PRDM2: variants seen among roughly 807,000 people sequenced by gnomAD.
PRDM2 encodes PR domain zinc finger protein 2.
A neutral mutation model predicts 130.0 loss-of-function variants in PRDM2; 30 were observed. The observed-to-expected ratio is 0.23, with a 90% CI of 0.17 to 0.31. The LOEUF is 0.31. Among genes scored for constraint, PRDM2 ranks in the 10% least tolerant of loss-of-function variants. The pLI is 1.00. For synonymous variants in PRDM2, 871 were observed against 782.4 expected (o/e 1.11, Z -1.89); for missense variants, 2,011 against 2,108.4 (o/e 0.95, Z 0.90).
At chr1:13,816,067 C>T (rs747393989) in intron 8 of PRDM2, among the ~76,000 whole-genome samples, 16 of 152,144 alleles carry the variant, frequency 1.1e-4, no homozygotes, top group South Asian at 2.1e-4. Context: ...AGGGCACAGC[C>T]GCTGTTCTGA....
Position 13,780,194 on chromosome 1 carries a change from T to C in PRDM2, c.2399T>C (p.Phe800Ser). The C allele has an allele frequency of 6.2e-7, 1 of 1,600,636 alleles. No homozygotes were observed. The highest frequency in any genetic ancestry group is 2.2e-5 in the East Asian group (1 of 44,714). The change falls in exon 8 of 10, where the codon TTT becomes TCT. Residue 800 changes from phenylalanine to serine, a missense_variant. Around this residue, in one of 5 missense-constraint regions of PRDM2, gnomAD observed 1,288 missense variants for 1,237.7 expected, o/e 1.04. Transcript: ENST00000311066. ...DERETVSPPC[F>S]DEYKMSKEWT... Reference sequence around the variant, plus strand: ...AGAGAAACTGTGAGCCCTCCATGCTTTGATGAATATAAAATGTCTAAAGAG... The same window carrying C: ...AGAGAAACTGTGAGCCCTCCATGCTCTGATGAATATAAAATGTCTAAAGAG...
intron 8 of PRDM2, among the ~76,000 whole-genome samples, chr1:13,793,026 T>C (rs149890638): frequency 3.1e-4 from 48 of 152,384 alleles, no homozygotes; most frequent in African/African-American, 1.1e-3. Context: ...GACTTGCATG[T>C]ACATAACTGT....
intron 4 of PRDM2, among the ~76,000 whole-genome samples, chr1:13,736,114 C>CTTTTTT (rs766095858): frequency 7.6e-6 from 1 of 132,022 alleles, no homozygotes; most frequent in Non-Finnish European, 1.7e-5. Flanking sequence ...TGTTTCTTTT[C>CTTTTTT]TTTTTTTTTT....
intron 5 of PRDM2, among the ~76,000 whole-genome samples, chr1:13,748,979 G>A (rs1179586401): frequency 1.3e-5 from 2 of 152,166 alleles, no homozygotes; most frequent in African/African-American, 4.8e-5. Context: ...CACACCGCAC[G>A]CTTTTCAGTT....
chr1:13,822,818 A>T (rs1365122123), intron 9 of PRDM2, among the ~76,000 whole-genome samples: 5 of 152,156 alleles, frequency 3.3e-5, no homozygotes, highest in Non-Finnish European at 4.4e-5. Flanking sequence ...GAGATTACTG[A>T]TTGACCCTAT....
At chr1:13,704,837 A>G (rs1642160219) in intron 1 of PRDM2, 1 of 152,260 alleles carries the variant, frequency 6.6e-6, no homozygotes, top group Non-Finnish European at 1.5e-5. Context: ...TAAATTAAAT[A>G]TAAATTGGAG....
chr1:13,793,123 G>A (rs1644867510), intron 8 of PRDM2, among the ~76,000 whole-genome samples: 1 of 152,228 alleles, frequency 6.6e-6, no homozygotes, highest in South Asian at 2.1e-4. Flanking sequence ...CATGGGCATT[G>A]AATGCCTTCC....
At chr1:13,775,575 A>G (rs1644458044) in intron 7 of PRDM2, among the ~76,000 whole-genome samples, 1 of 152,176 alleles carries the variant, frequency 6.6e-6, no homozygotes, top group Non-Finnish European at 1.5e-5. Context: ...ATTGCTAGTA[A>G]ATGGAGTAGC....
intron 6 of PRDM2, among the ~76,000 whole-genome samples, chr1:13,768,830 T>C (rs1195813497): frequency 2.0e-5 from 3 of 152,176 alleles, no homozygotes; most frequent in African/African-American, 7.2e-5. Flanking sequence ...ATCCATTAAG[T>C]GGCAGGGGCA....
Position 13,806,147 on chromosome 1 carries a change from G to A in PRDM2, c.5037-10280G>A, listed in dbSNP as rs1453569233. Among the ~76,000 whole-genome samples, 1 of 151,922 alleles carries A rather than the reference G, an allele frequency of 6.6e-6. No individual in the cohort carries two copies. The highest frequency in any genetic ancestry group is 6.6e-5 in the Admixed American group (1 of 15,264). ...CCTTGGCCCATCTGCGGCAGTGGAC[G>A]CTGTTAATCCTTCTCTTCCTTGAAA... On this transcript the variant is annotated intron_variant, in intron 8 of 9. Coordinates refer to ENST00000311066, the MANE Select transcript of PRDM2 (RefSeq NM_001393986.1). The surrounding 1 kb of genome is among the most constrained non-coding windows in gnomAD (Gnocchi z 4.1).
At chr1:13,770,392 T>A in intron 6 of PRDM2, 1 of 447,830 alleles carries the variant, frequency 2.2e-6, no homozygotes, top group South Asian at 1.6e-5. Context: ...TACTTCCTTT[T>A]GTTAAGATAT....
At position 13,823,218 on chromosome 1, in the gene PRDM2, G is replaced by A. The variant is rs772300489; in HGVS notation, c.*83G>A. On this transcript the variant is annotated 3_prime_UTR_variant, in exon 10 of 10. Coordinates refer to ENST00000311066, the MANE Select transcript of PRDM2 (RefSeq NM_001393986.1). ...GGACTGGCAGTCTGCCCTGCAGGGA[G>A]TACCGACCTATCCCAGTTGTGTGAG... 6.8e-6 allele frequency: 11 copies of A among 1,609,520 alleles called. No homozygotes were observed. The highest frequency in any genetic ancestry group is 4.4e-5 in the South Asian group (4 of 90,788).
At chr1:13,786,804 G>A in intron 8 of PRDM2, 1 of 1,273,122 alleles carries the variant, frequency 7.9e-7, no homozygotes, top group Non-Finnish European at 1.0e-6. Flanking sequence ...TCCTCGTCAT[G>A]GGACTGGTAC....
At chr1:13,802,402 AG>A (rs1645022565) in intron 8 of PRDM2, among the ~76,000 whole-genome samples, 1 of 152,290 alleles carries the variant, frequency 6.6e-6, no homozygotes, top group East Asian at 1.9e-4. Context: ...AGGGCGCCAC[AG>A]GGAGCAGCTG....
chr1:13,769,474 C>A (rs1644308260), intron 6 of PRDM2, among the ~76,000 whole-genome samples: 1 of 152,182 alleles, frequency 6.6e-6, no homozygotes, highest in African/African-American at 2.4e-5. Context: ...AGGCTAATTA[C>A]TTCCCCTCTG....
Position 13,734,364 on chromosome 1 carries a change from G to C in PRDM2, c.231+1482G>C, listed in dbSNP as rs1194144045. ...ATTGGCTCACCAGGTTTAACACTAC[G>C]TTTAGTGAGAATAATGTCAAGGAAC... On this transcript the variant is annotated intron_variant, in intron 4 of 9. Coordinates refer to ENST00000311066, the MANE Select transcript of PRDM2 (RefSeq NM_001393986.1). Among the ~76,000 whole-genome samples, 3 of 152,306 alleles carry C rather than the reference G, an allele frequency of 2.0e-5. No individual in the cohort carries two copies. In the South Asian group the frequency reaches 6.2e-4, roughly 32 times the overall value.
intron 5 of PRDM2, among the ~76,000 whole-genome samples, chr1:13,748,011 C>A (rs558075673): frequency 3.2e-4 from 48 of 152,222 alleles, no homozygotes; most frequent in African/African-American, 1.1e-3. Context: ...CTTTTATAAC[C>A]TTTCAGTTTT....
chr1:13,811,318 C>T (rs886220613), intron 8 of PRDM2, among the ~76,000 whole-genome samples: 1 of 152,172 alleles, frequency 6.6e-6, no homozygotes, highest in Non-Finnish European at 1.5e-5. Flanking sequence ...GGCTCGTTAA[C>T]GCTTACTTGC....
chr1:13,750,007 A>T (rs1386344489), intron 6 of PRDM2, among the ~76,000 whole-genome samples: 1 of 152,164 alleles, frequency 6.6e-6, no homozygotes, highest in African/African-American at 2.4e-5. Context: ...AGACAGAGAC[A>T]GGAGGCGGCG....
Sources: allele counts gnomAD v4.1 joint callset (sites outside exome capture counted in the v4.1 genomes callset), GRCh38; gene constraint gnomAD v4.1.1; regional missense constraint gnomAD v4.1.1; non-coding constraint Gnocchi (gnomAD v3.1); transcripts MANE v1.5; gene names NCBI Gene and HGNC (gene_info 2026-07-23, HGNC 2026-07-21).